KIF18A: variants seen among roughly 807,000 people sequenced by gnomAD.
KIF18A encodes the protein kinesin family member 18A.
Under a neutral mutation model 103.3 loss-of-function variants are expected in KIF18A, and 67 were observed. That is an observed-to-expected ratio of 0.65 (90% CI 0.53 to 0.79). KIF18A has a LOEUF of 0.79. Among genes scored for constraint, KIF18A ranks in the 30% least tolerant of loss-of-function variants. The pLI, the probability that KIF18A is intolerant of heterozygous loss-of-function variation, is 0.00. For synonymous variants in KIF18A, 367 were observed against 355.5 expected (o/e 1.03, Z -0.36); for missense variants, 1,032 against 1,062.5 (o/e 0.97, Z 0.40).
intron 11 of KIF18A, among the ~76,000 whole-genome samples, chr11:28,064,142 A>C (rs937100644): frequency 3.3e-5 from 5 of 151,286 alleles, no homozygotes; most frequent in African/African-American, 1.2e-4. Flanking sequence ...GAAATATAGT[A>C]TATTTATATA....
chr11:28,055,814 A>G (rs908480718), intron 13 of KIF18A, among the ~76,000 whole-genome samples: 1 of 152,306 alleles, frequency 6.6e-6, no homozygotes, highest in East Asian at 1.9e-4. Flanking sequence ...ATTTGCATGC[A>G]TATGAGGAAT....
chr11:28,101,881 C>T (rs754886154), intron 1 of KIF18A, among the ~76,000 whole-genome samples: 5 of 151,912 alleles, frequency 3.3e-5, no homozygotes, highest in African/African-American at 7.3e-5. Context: ...TTTATTTTGC[C>T]CAAATTCCTA....
At chr11:28,075,507 A>C (rs998669459) in intron 10 of KIF18A, among the ~76,000 whole-genome samples, 1 of 152,132 alleles carries the variant, frequency 6.6e-6, no homozygotes, top group Non-Finnish European at 1.5e-5. Context: ...TTAATGAATA[A>C]ATTTTTAATT....
At chr11:28,054,733 G>A (rs1439725915) in intron 13 of KIF18A, among the ~76,000 whole-genome samples, 1 of 152,082 alleles carries the variant, frequency 6.6e-6, no homozygotes, top group Non-Finnish European at 1.5e-5. Flanking sequence ...GAATGAAATA[G>A]TAAAGTAACG....
intron 13 of KIF18A, chr11:28,057,037 A>AT (rs1465076312): frequency 2.3e-4 from 44 of 192,388 alleles, no homozygotes; most frequent in Middle Eastern, 2.4e-3. Flanking sequence ...ACATATATAT[A>AT]AAAAAAAGCA....
At position 28,097,675 on chromosome 11, in the gene KIF18A, T is replaced by C; in HGVS notation, c.273A>G (p.Glu91=). 4 of 1,611,630 alleles carry C rather than the reference T, an allele frequency of 2.5e-6. No homozygotes were observed. The highest frequency in any genetic ancestry group is 2.2e-5 in the East Asian group (1 of 44,794). ...TACGAAGAATTGGCTTAGTAGTGTG[T>C]TCAAAAACTTCTGACTGAGTTGACG... ...DETSTQSEVF[E]HTTKPILRSF... Residue 91 remains glutamate (E), a synonymous_variant, in exon 2 of 17, where the codon GAA becomes GAG. Coordinates refer to ENST00000263181, the MANE Select transcript of KIF18A (RefSeq NM_031217.4).
intron 6 of KIF18A, among the ~76,000 whole-genome samples, chr11:28,085,899 AATT>A (rs1309354720): frequency 6.6e-6 from 1 of 152,170 alleles, no homozygotes; most frequent in Non-Finnish European, 1.5e-5. Context: ...CCAGACTTAT[AATT>A]GGTGATTGAG....
At chr11:28,031,841 A>G (rs1351021641) in intron 15 of KIF18A, among the ~76,000 whole-genome samples, 1 of 151,944 alleles carries the variant, frequency 6.6e-6, no homozygotes, top group Non-Finnish European at 1.5e-5. Flanking sequence ...CACTTTCACC[A>G]GTATTTATTA....
chr11:28,058,902 A>G (rs1850820638), intron 13 of KIF18A, 24 bp downstream of exon 13: 1 of 1,551,630 alleles, frequency 6.4e-7, no homozygotes, highest in Non-Finnish European at 8.9e-7. Flanking sequence ...GTTACTATTT[A>G]CTTAAAACGA....
chr11:28,032,333 C>T (rs573734091), intron 15 of KIF18A, among the ~76,000 whole-genome samples: 1 of 151,872 alleles, frequency 6.6e-6, no homozygotes, highest in Non-Finnish European at 1.5e-5. Context: ...TATCAAAATA[C>T]CAATGACACT....
chr11:28,093,652 G>C (rs1304818804), intron 3 of KIF18A, among the ~76,000 whole-genome samples: 1 of 152,094 alleles, frequency 6.6e-6, no homozygotes, highest in African/African-American at 2.4e-5. Flanking sequence ...TACAAAAAAT[G>C]ATTACAGAAA....
At chr11:28,070,095 G>C (rs1441867781) in intron 10 of KIF18A, among the ~76,000 whole-genome samples, 1 of 151,994 alleles carries the variant, frequency 6.6e-6, no homozygotes, top group Non-Finnish European at 1.5e-5. Flanking sequence ...GACGTCTCTG[G>C]GGTATTTGCC....
intron 6 of KIF18A, 134 bp downstream of exon 6, chr11:28,088,390 A>C (rs1851259101): frequency 1.4e-6 from 1 of 701,958 alleles, no homozygotes; most frequent in African/African-American, 1.8e-5. Context: ...TCTTTGATCT[A>C]TATATTAACA....
At chr11:28,039,989 G>C (rs1850538681) in intron 13 of KIF18A, among the ~76,000 whole-genome samples, 1 of 151,674 alleles carries the variant, frequency 6.6e-6, no homozygotes, top group Non-Finnish European at 1.5e-5. Flanking sequence ...TGCTTAGAAA[G>C]CTTCAGGAGC....
At chr11:28,096,636 AT>A (rs1590711945) in intron 2 of KIF18A, among the ~76,000 whole-genome samples, 1 of 152,200 alleles carries the variant, frequency 6.6e-6, no homozygotes, top group Admixed American at 6.5e-5. Flanking sequence ...AAAAATGGGA[AT>A]CACAGTAGTA....
chr11:28,049,882 C>T (rs537567179), intron 13 of KIF18A, among the ~76,000 whole-genome samples: 31 of 151,394 alleles, frequency 2.0e-4, no homozygotes, highest in Admixed American at 1.5e-3. Flanking sequence ...TTATAAGATA[C>T]GTAAACTTAT....
intron 13 of KIF18A, among the ~76,000 whole-genome samples, chr11:28,038,048 T>G (rs747114858): frequency 6.6e-6 from 1 of 151,570 alleles, no homozygotes; most frequent in African/African-American, 2.4e-5. Flanking sequence ...TGTATACCAA[T>G]TCTGTCTTTT....
At chr11:28,089,763 G>T (rs1362004292) in intron 5 of KIF18A, among the ~76,000 whole-genome samples, 3 of 152,146 alleles carry the variant, frequency 2.0e-5, no homozygotes, top group African/African-American at 7.2e-5. Context: ...AAGCTACTCT[G>T]TAAGGATTAT....
At chr11:28,092,158 G>A (rs1472416275) in intron 3 of KIF18A, among the ~76,000 whole-genome samples, 1 of 152,150 alleles carries the variant, frequency 6.6e-6, no homozygotes, top group Non-Finnish European at 1.5e-5. Context: ...ACGGTACTGG[G>A]AAACTCTGGG....
Sources: allele counts gnomAD v4.1 joint callset (sites outside exome capture counted in the v4.1 genomes callset), GRCh38; gene constraint gnomAD v4.1.1; transcripts MANE v1.5; gene names NCBI Gene and HGNC (gene_info 2026-07-23, HGNC 2026-07-21).